Variants in SAMM50 observed in about 807,000 individuals in gnomAD.
SAMM50 encodes the protein sorting and assembly machinery component 50 homolog.
A neutral mutation model predicts 66.9 loss-of-function variants in SAMM50; 47 were observed. The observed-to-expected ratio is 0.70, with a 90% CI of 0.56 to 0.90. SAMM50 has a LOEUF of 0.90. Among genes scored for constraint, SAMM50 ranks in the 40% least tolerant of loss-of-function variants. The pLI, the probability that SAMM50 is intolerant of heterozygous loss-of-function variation, is 0.00. For synonymous variants in SAMM50, 191 were observed against 214.1 expected (o/e 0.89, Z 0.94); for missense variants, 535 against 595.3 (o/e 0.90, Z 1.05).
At chr22:43,986,043 CTTT>C (rs550939157) in intron 12 of SAMM50, among the ~76,000 whole-genome samples, 40 of 134,158 alleles carry the variant, frequency 3.0e-4, no homozygotes, top group Non-Finnish European at 4.0e-4. Context: ...TTCTTTCTTT[CTTT>C]TTTTTTTTTT....
intron 14 of SAMM50, among the ~76,000 whole-genome samples, chr22:43,994,752 C>T (rs990148842): frequency 6.6e-6 from 1 of 152,114 alleles, no homozygotes; most frequent in Non-Finnish European, 1.5e-5. Flanking sequence ...CTGGCTTGCC[C>T]CTGGTCTGGT....
In SAMM50 at chr22:43,955,611, G is replaced by A; in HGVS notation, c.21+13G>A. 2 of 1,588,812 alleles carry A rather than the reference G, an allele frequency of 1.3e-6. No homozygotes were observed. Among genetic ancestry groups the A allele is most frequent in the Non-Finnish European group, 1.7e-6 (2 of 1,168,572 alleles). On this transcript the variant is annotated intron_variant, in intron 1 of 14. Coordinates refer to ENST00000350028, the MANE Select transcript of SAMM50 (RefSeq NM_015380.5). ...TGTGCACGCCCGGGTAAGAGGCCCA[G>A]CGACCCGCGGGCTGCGAGGCCTCTG...
chr22:43,978,540 A>G (rs2050246207), intron 10 of SAMM50, among the ~76,000 whole-genome samples: 1 of 149,808 alleles, frequency 6.7e-6, no homozygotes, highest in African/African-American at 2.5e-5. Flanking sequence ...GGGTGGCTGG[A>G]GGACAGAGGG....
chr22:43,976,327 G>A, intron 8 of SAMM50, 144 bp downstream of exon 8: 1 of 921,370 alleles, frequency 1.1e-6, no homozygotes, highest in Non-Finnish European at 1.7e-6. Flanking sequence ...CACTCCCCGA[G>A]GGCTTGTGGT....
Position 43,983,656 on chromosome 22 carries a change from C to G in SAMM50, c.1008-277C>G, listed in dbSNP as rs1254660973. ...CAGCTGATAGTTCCTTTGTGACAGA[C>G]AGTTTGCCCTGCCCCTCTCTCCTAG... On this transcript the variant is annotated intron_variant, in intron 11 of 14. Transcript: ENST00000350028. This position sits in a 1 kb window ranked among gnomAD's most constrained non-coding sequence, Gnocchi z 4.2. 1.3e-5 allele frequency among the ~76,000 whole-genome samples: 2 copies of G among 152,180 alleles called. No individual in the cohort carries two copies. The highest frequency in any genetic ancestry group is 6.5e-5 in the Admixed American group (1 of 15,280).
At chr22:43,961,320 C>G (rs1485291351) in intron 1 of SAMM50, among the ~76,000 whole-genome samples, 1 of 152,154 alleles carries the variant, frequency 6.6e-6, no homozygotes, top group Non-Finnish European at 1.5e-5. Flanking sequence ...TAAGAGGTGA[C>G]TGGGAATCCT....
intron 11 of SAMM50, among the ~76,000 whole-genome samples, chr22:43,982,031 A>G (rs1304834246): frequency 6.6e-6 from 1 of 152,236 alleles, no homozygotes; most frequent in Non-Finnish European, 1.5e-5. Flanking sequence ...ACAGCAATTT[A>G]TACCCCTACC....
chr22:43,992,576 GC>G (rs2050330967), intron 14 of SAMM50, among the ~76,000 whole-genome samples: 2 of 152,246 alleles, frequency 1.3e-5, no homozygotes, highest in African/African-American at 4.8e-5. Flanking sequence ...CGGGCTTGGG[GC>G]CCAGCTTGGC....
At chr22:43,960,602 A>C (rs1366389418) in intron 1 of SAMM50, among the ~76,000 whole-genome samples, 1 of 151,922 alleles carries the variant, frequency 6.6e-6, no homozygotes, top group Non-Finnish European at 1.5e-5. Flanking sequence ...AGTGGCACGC[A>C]CCTGTAATCC....
chr22:43,977,997 CCTTA>C (rs748563892), intron 10 of SAMM50, 39 bp downstream of exon 10: 3 of 1,370,656 alleles, frequency 2.2e-6, no homozygotes, highest in African/African-American at 1.4e-5. Flanking sequence ...CACTGTCAGC[CCTTA>C]CTTTGGGGAT....
At chr22:43,969,588 C>T (rs1216851643) in intron 4 of SAMM50, among the ~76,000 whole-genome samples, 2 of 152,192 alleles carry the variant, frequency 1.3e-5, no homozygotes, top group Non-Finnish European at 2.9e-5. Context: ...GACAGTTCAC[C>T]TGGCCAGGGC....
chr22:43,955,552 G>T lies in SAMM50; in HGVS notation c.-26G>T. 2 of 1,597,904 alleles carry T rather than the reference G, an allele frequency of 1.3e-6. No homozygotes were observed. The highest frequency in any genetic ancestry group is 1.7e-6 in the Non-Finnish European group (2 of 1,173,058). On this transcript the variant is annotated 5_prime_UTR_variant, in exon 1 of 15. Transcript: ENST00000350028. ...CGCTCTGTCCCGCCCGGGCAGCTCT[G>T]CGAGGCAGCGGCTGGAGAGGGAACC...
chr22:43,977,590 C>T (rs918292370), intron 9 of SAMM50, among the ~76,000 whole-genome samples: 1 of 152,174 alleles, frequency 6.6e-6, no homozygotes, highest in Non-Finnish European at 1.5e-5. Flanking sequence ...CGAGCCAAGC[C>T]GTCTGTGCTG....
At chr22:43,996,070 G>A (rs957862921) in intron 14 of SAMM50, 14 of 551,264 alleles carry the variant, frequency 2.5e-5, no homozygotes, top group African/African-American at 1.9e-4. Context: ...CGTGAAGGAG[G>A]TGAGGAGGGA....
chr22:43,977,798 T>G, intron 9 of SAMM50, 74 bp from the exon 10 acceptor site: 1 of 1,014,848 alleles, frequency 9.9e-7, no homozygotes, highest in Non-Finnish European at 1.5e-6. Context: ...TAAATCCTGA[T>G]GCAAAAACAT....
At chr22:43,987,648 A>G (rs1428114534) in intron 12 of SAMM50, 1 of 152,130 alleles carries the variant, frequency 6.6e-6, no homozygotes, top group Non-Finnish European at 1.5e-5. Flanking sequence ...GGATGTGTAT[A>G]CTTTCCTATG....
rs554924107 is a variant in SAMM50 at position 43,973,646 on chromosome 22, T to A, written c.648+323T>A. The stretch of plus-strand genomic sequence containing the variant: ...GATCACTGGAAGGTTTCTTTTTTGT[T>A]GTTGTTGAGACAGAGGTTTGCTCTT... On this transcript the variant is annotated intron_variant, in intron 7 of 14. Coordinates refer to ENST00000350028, the MANE Select transcript of SAMM50 (RefSeq NM_015380.5). 2.6e-5 allele frequency among the ~76,000 whole-genome samples: 4 copies of A among 152,272 alleles called. No homozygotes were observed. The East Asian group carries it at 7.7e-4, about 29-fold the overall frequency.
chr22:43,963,048 T>G, intron 1 of SAMM50: 1 of 295,000 alleles, frequency 3.4e-6, no homozygotes, highest in Non-Finnish European at 6.3e-6. Flanking sequence ...TCCCTGTTAA[T>G]TAGTTTTTAT....
chr22:43,989,314 G>T, intron 13 of SAMM50, 57 bp downstream of exon 13: 1 of 1,505,956 alleles, frequency 6.6e-7, no homozygotes. Flanking sequence ...ATGTTTAAAA[G>T]CACAGTACAC....
Sources: gnomAD v4.1 joint callset for allele counts (sites outside exome capture counted in the v4.1 genomes callset) on GRCh38, gnomAD v4.1.1 for gene constraint, Gnocchi (gnomAD v3.1) non-coding constraint, MANE v1.5 for transcripts, NCBI Gene and HGNC (gene_info 2026-07-23, HGNC 2026-07-21) for gene names.